RELN: variants seen among roughly 807,000 people sequenced by gnomAD.
The protein encoded by RELN is reelin.
In RELN, 108 loss-of-function variants were observed where a neutral mutation model predicts 427.6. That is an observed-to-expected ratio of 0.25 (90% CI 0.22 to 0.30). The LOEUF (loss-of-function observed/expected upper bound fraction) is 0.30, where lower values mean the gene tolerates loss of function less well. RELN is among the 10% of genes least tolerant of loss of function. RELN has a pLI of 1.00. For missense variants in RELN, 3,715 were observed against 4,302.8 expected (o/e 0.86, Z 3.82); for synonymous variants, 1,524 against 1,513.4 (o/e 1.01, Z -0.16).
chr7:103,907,180 G>T (rs559314413), intron 2 of RELN, among the ~76,000 whole-genome samples: 1 of 151,116 alleles, frequency 6.6e-6, no homozygotes, highest in African/African-American at 2.4e-5. Flanking sequence ...CACCTTGGGA[G>T]GCCGAGGCGG....
chr7:103,548,826 T>C (rs1830353992), intron 41 of RELN, among the ~76,000 whole-genome samples: 1 of 152,174 alleles, frequency 6.6e-6, no homozygotes, highest in Admixed American at 6.5e-5. Context: ...AGCGAGGTGG[T>C]CTCTGTGACG....
At chr7:103,625,266 A>G (rs1832305255) in intron 20 of RELN, among the ~76,000 whole-genome samples, 1 of 152,216 alleles carries the variant, frequency 6.6e-6, no homozygotes, top group Non-Finnish European at 1.5e-5. Context: ...CCATCTGTGT[A>G]GTGATGGTGA....
intron 6 of RELN, among the ~76,000 whole-genome samples, chr7:103,732,177 A>T (rs1023733503): frequency 4.6e-5 from 7 of 152,132 alleles, no homozygotes; most frequent in African/African-American, 1.7e-4. Context: ...ATATAGTTGA[A>T]ATCATGGGAG....
In RELN at chr7:103,489,203, G is replaced by GTGTGTGTGT. The variant is rs1828558083; in HGVS notation, c.9763+538_9763+539insACACACACA. 1.5e-3 allele frequency among the ~76,000 whole-genome samples: 222 copies of GTGTGTGTGT among 147,860 alleles called. 1 individual carries two copies. Among genetic ancestry groups the GTGTGTGTGT allele is most frequent in the African/African-American group, 4.5e-3 (177 of 39,370 alleles). On this transcript the variant is annotated intron_variant, in intron 60 of 64. Transcript: ENST00000428762. Reference sequence around the variant, plus strand: ...AATGTATTTCTTTGAGTCATAAAGGGGTGTGTGTGTGTGTGTGTGTGTGTG... The same window carrying GTGTGTGTGT: ...AATGTATTTCTTTGAGTCATAAAGGGTGTGTGTGTGTGTGTGTGTGTGTGTGTGTGTGTG...
At chr7:103,517,450 C>T (rs1829594767) in intron 49 of RELN, among the ~76,000 whole-genome samples, 2 of 152,178 alleles carry the variant, frequency 1.3e-5, no homozygotes, top group South Asian at 2.1e-4. Flanking sequence ...ATTATAACCA[C>T]TTTTCCTACC....
At chr7:103,656,863 G>C (rs577309526) in intron 12 of RELN, among the ~76,000 whole-genome samples, 2 of 151,882 alleles carry the variant, frequency 1.3e-5, no homozygotes, top group Non-Finnish European at 2.9e-5. Context: ...ATCTCTTTTC[G>C]TCCCTTAACA....
intron 16 of RELN, among the ~76,000 whole-genome samples, chr7:103,648,877 C>A (rs966488590): frequency 2.0e-5 from 3 of 151,880 alleles, no homozygotes; most frequent in Non-Finnish European, 4.4e-5. Flanking sequence ...ACATTAAAAC[C>A]ACAATGAGAT....
intron 46 of RELN, among the ~76,000 whole-genome samples, chr7:103,529,206 C>G (rs1301838650): frequency 1.3e-5 from 2 of 152,098 alleles, no homozygotes; most frequent in African/African-American, 4.8e-5. Flanking sequence ...ATCTCTTTCC[C>G]CCATTCCTTT....
intron 4 of RELN, among the ~76,000 whole-genome samples, chr7:103,770,074 C>CTTTA (rs34771956): frequency 0.2 from 30,413 of 150,562 alleles, 3,780 homozygotes; most frequent in South Asian, 0.42. Flanking sequence ...ATCTTTTTTA[C>CTTTA]TTTATTTATT....
intron 11 of RELN, among the ~76,000 whole-genome samples, chr7:103,680,420 G>A (rs1241944286): frequency 5.3e-5 from 8 of 152,066 alleles, no homozygotes; most frequent in African/African-American, 1.4e-4. Flanking sequence ...AGATGAAAGC[G>A]TGGGAGTAAA....
At chr7:103,519,881 C>A (rs577230092) in intron 48 of RELN, among the ~76,000 whole-genome samples, 5 of 152,138 alleles carry the variant, frequency 3.3e-5, no homozygotes, top group African/African-American at 1.2e-4. Context: ...GTGATACCAG[C>A]CACATAGTAT....
intron 6 of RELN, among the ~76,000 whole-genome samples, chr7:103,740,342 T>C (rs1471256825): frequency 6.6e-6 from 1 of 152,200 alleles, no homozygotes; most frequent in Non-Finnish European, 1.5e-5. Flanking sequence ...TCACAGAAAC[T>C]ATTACCCAAG....
chr7:103,528,640 T>C (rs1020494988), intron 46 of RELN, among the ~76,000 whole-genome samples: 1 of 152,072 alleles, frequency 6.6e-6, no homozygotes, highest in Non-Finnish European at 1.5e-5. Context: ...GCGATCCTTA[T>C]GCCTCAGCCT....
At position 103,723,588 on chromosome 7, in the gene RELN, C is replaced by T. The variant is rs371050867; in HGVS notation, c.754-397G>A. Among the ~76,000 whole-genome samples, 12 of 152,014 alleles carry T rather than the reference C, an allele frequency of 7.9e-5. No homozygotes were observed. In the East Asian group the frequency reaches 1.7e-3, roughly 22 times the overall value. On this transcript the variant is annotated intron_variant, in intron 7 of 64. Coordinates refer to ENST00000428762, the MANE Select transcript of RELN (RefSeq NM_005045.4). The stretch of plus-strand genomic sequence containing the variant: ...AAAGAGAATGTAGCAAAAGGGCTAC[C>T]GAACAAAAATTGGGAGATAAACTAA...
intron 3 of RELN, among the ~76,000 whole-genome samples, chr7:103,815,469 A>G (rs1792848453): frequency 6.6e-6 from 1 of 152,208 alleles, no homozygotes; most frequent in African/African-American, 2.4e-5. Context: ...ATCTATGAAA[A>G]TTTAAAAAGA....
chr7:103,799,738 G>A (rs1410120200), intron 3 of RELN, among the ~76,000 whole-genome samples: 1 of 152,060 alleles, frequency 6.6e-6, no homozygotes, highest in Non-Finnish European at 1.5e-5. Flanking sequence ...TTATAATTAA[G>A]CGTTCTATTT....
At chr7:103,518,959 A>G (rs910073735) in intron 49 of RELN, among the ~76,000 whole-genome samples, 4 of 152,094 alleles carry the variant, frequency 2.6e-5, no homozygotes, top group Admixed American at 6.6e-5. Flanking sequence ...TTCCAGTCCA[A>G]AATTCTCTAA....
Position 103,824,245 on chromosome 7 carries a change from G to C in RELN, c.473+9292C>G, listed in dbSNP as rs999513725. Among the ~76,000 whole-genome samples, 1 of 151,938 alleles carries C rather than the reference G, an allele frequency of 6.6e-6. No individual in the cohort carries two copies. Among genetic ancestry groups the C allele is most frequent in the African/African-American group, 2.4e-5 (1 of 41,388 alleles). Reference sequence around the variant, plus strand: ...TTCTCTCCTTCTAAAACTTCAATTAGATGTTAATTTCTTCACTTGGAGTTC... The same window carrying C: ...TTCTCTCCTTCTAAAACTTCAATTACATGTTAATTTCTTCACTTGGAGTTC... On this transcript the variant is annotated intron_variant, in intron 3 of 64. Transcript: ENST00000428762. The surrounding 1 kb of genome is among the most constrained non-coding windows in gnomAD (Gnocchi z 4.4).
intron 33 of RELN, 31 bp from the exon 34 acceptor site, chr7:103,565,582 A>G (rs576704101): frequency 6.2e-7 from 1 of 1,604,154 alleles, no homozygotes; most frequent in East Asian, 2.2e-5. Flanking sequence ...ATGGTAGCAT[A>G]TATGTGTGCC....
Sources: allele counts gnomAD v4.1 joint callset (sites outside exome capture counted in the v4.1 genomes callset), GRCh38; gene constraint gnomAD v4.1.1; non-coding constraint Gnocchi (gnomAD v3.1); transcripts MANE v1.5; gene names NCBI Gene and HGNC (gene_info 2026-07-23, HGNC 2026-07-21).